Variants in NCOA6 observed in about 807,000 individuals in gnomAD.
The protein encoded by NCOA6 is nuclear receptor coactivator 6.
NCOA6 carries 49 observed loss-of-function variants against 171.4 expected under a neutral mutation model. That is an observed-to-expected ratio of 0.29 (90% CI 0.23 to 0.36). The LOEUF is 0.36. Among genes scored for constraint, NCOA6 ranks in the 10% least tolerant of loss-of-function variants. NCOA6 has a pLI of 1.00. For missense variants in NCOA6, 2,248 were observed against 2,554.5 expected (o/e 0.88, Z 2.59); for synonymous variants, 910 against 927.5 (o/e 0.98, Z 0.34).
In NCOA6 at chr20:34,749,299, CATT is replaced by C; in HGVS notation, c.2792+101_2792+103del. On this transcript the variant is annotated intron_variant, in intron 9 of 14. Coordinates refer to ENST00000359003, the MANE Select transcript of NCOA6 (RefSeq NM_014071.5). ...GATAATTATTGAAGCAGGGGGATTT[CATT>C]ATACTATTCTAGTTTTATATTCTGT... The C allele has an allele frequency of 3.0e-6, 4 of 1,320,542 alleles. No individual in the cohort carries two copies. The South Asian group carries it at 5.8e-5, about 19-fold the overall frequency. 81.8% of individuals were successfully genotyped at this position (1,320,542 alleles called of 1,614,324 possible). A position where few individuals can be genotyped will look rare whatever the true frequency, so the allele number is the denominator to read the frequency against.
Position 34,757,625 on chromosome 20 carries a change from G to A in NCOA6, c.1123C>T (p.Pro375Ser). ...TVQTPSHPPP[P>S]YPFGSQQASQ... Reference sequence around the variant, plus strand: ...GCTTGCTGGCTGCCAAAGGGATATGGAGGGGGAGGGTGGGAAGGCGTCTGT... The same window carrying A: ...GCTTGCTGGCTGCCAAAGGGATATGAAGGGGGAGGGTGGGAAGGCGTCTGT... The change falls in exon 7 of 15, where the codon CCA becomes TCA. Residue 375 changes from proline to serine, a missense_variant. By Grantham distance (74) the Pro-to-Ser change is moderately conservative. This residue lies in a region of NCOA6 where 987 missense variants were observed against 1,104.7 expected (regional missense o/e 0.89). Transcript: ENST00000359003. 3 of 1,614,010 alleles carry A rather than the reference G, an allele frequency of 1.9e-6. No homozygotes were observed. The highest frequency in any genetic ancestry group is 2.5e-6 in the Non-Finnish European group (3 of 1,179,934).
rs748838726 is a variant in NCOA6, at chr20:34,746,861, T to C, written c.2860A>G (p.Ile954Val). Residue 954 changes from isoleucine to valine, a missense_variant, in exon 10 of 15, where the codon ATT becomes GTT. Ile to Val is a conservative substitution (Grantham distance 29). Transcript: ENST00000359003. ...TTAGGGCCTGAGTTATCCAAGTTAA[T>C]TCCTTGTTCTCCAGGCAACGGTGGC... ...DQPPLPGEQG[I>V]NLDNSGPKLP... 6.2e-7 allele frequency: 1 copy of C among 1,609,666 alleles called. No homozygotes were observed. The highest frequency in any genetic ancestry group is 1.1e-5 in the South Asian group (1 of 90,774).
intron 12 of NCOA6, among the ~76,000 whole-genome samples, chr20:34,734,281 C>T (rs932427783): frequency 2.0e-5 from 3 of 152,174 alleles, no homozygotes; most frequent in African/African-American, 4.8e-5. Context: ...CCAGGCTTGT[C>T]TTGAACTCCT....
chr20:34,754,070 G>C (rs1278123771), intron 8 of NCOA6, among the ~76,000 whole-genome samples: 1 of 152,152 alleles, frequency 6.6e-6, no homozygotes. Context: ...TCTTTTTGCA[G>C]TACACTGTTG....
At chr20:34,824,260 G>A (rs2079088522) in intron 1 of NCOA6, among the ~76,000 whole-genome samples, 2 of 152,162 alleles carry the variant, frequency 1.3e-5, no homozygotes, top group Admixed American at 6.5e-5. Context: ...CTCCCAGCTA[G>A]CAAATTCCTT....
intron 1 of NCOA6, among the ~76,000 whole-genome samples, chr20:34,802,886 C>T (rs957749237): frequency 1.3e-5 from 2 of 152,122 alleles, no homozygotes; most frequent in African/African-American, 4.8e-5. Flanking sequence ...CAATTCCCAG[C>T]TCAATGCAGC....
At chr20:34,781,153 C>T (rs1384712540) in intron 3 of NCOA6, among the ~76,000 whole-genome samples, 1 of 152,104 alleles carries the variant, frequency 6.6e-6, no homozygotes, top group African/African-American at 2.4e-5. Flanking sequence ...TAACGCATAA[C>T]TATGGAGAAC....
intron 13 of NCOA6, 83 bp downstream of exon 13, chr20:34,732,476 A>C: frequency 7.6e-7 from 1 of 1,317,250 alleles, no homozygotes; most frequent in Non-Finnish European, 1.1e-6. Context: ...AGGTGAAGAG[A>C]GGTTTAAAGA....
At chr20:34,755,020 A>G in intron 7 of NCOA6, 152 bp from the exon 8 acceptor site, 2 of 731,852 alleles carry the variant, frequency 2.7e-6, no homozygotes, top group Non-Finnish European at 4.3e-6. Flanking sequence ...AAGGTTGGGA[A>G]AGATGGTTAA....
intron 1 of NCOA6, among the ~76,000 whole-genome samples, chr20:34,813,302 C>T (rs1341423027): frequency 6.6e-6 from 1 of 151,088 alleles, no homozygotes; most frequent in Non-Finnish European, 1.5e-5. Context: ...CCTGTCTCTA[C>T]TGAAAATATA....
Position 34,746,928 on chromosome 20 carries a change from G to T in NCOA6, c.2793C>A (p.Asn931Lys). ...RKKKNSQQDL[N>K]TPDTRPAGLE... is the part of the protein sequence containing the mutation. ...GACCAGCTGGGCGAGTATCTGGGGT[G>T]CTAAAAAAAAAAAAAAAAAAAAAAG... The change falls in exon 10 of 15, where the codon AAC (asparagine) becomes AAA (lysine). Residue 931 changes from asparagine (N) to lysine (K), a missense_variant and splice_region_variant. This residue lies in a region of NCOA6 where 352 missense variants were observed against 419.1 expected (regional missense o/e 0.84). Transcript: ENST00000359003. The T allele has an allele frequency of 7.7e-7, 1 of 1,304,288 alleles. No individual in the cohort carries two copies. The highest frequency in any genetic ancestry group is 9.8e-7 in the Non-Finnish European group (1 of 1,017,178). 80.8% of individuals were successfully genotyped at this position (1,304,288 alleles called of 1,614,324 possible). A position where few individuals can be genotyped will look rare whatever the true frequency, so the allele number is the denominator to read the frequency against.
At chr20:34,783,998 G>A (rs1004223085) in intron 2 of NCOA6, among the ~76,000 whole-genome samples, 6 of 151,460 alleles carry the variant, frequency 4.0e-5, no homozygotes, top group East Asian at 1.9e-4. Context: ...AAAGTATTAC[G>A]AATTATTACT....
intron 7 of NCOA6, among the ~76,000 whole-genome samples, chr20:34,756,195 T>C (rs1476279668): frequency 1.3e-5 from 2 of 152,236 alleles, no homozygotes; most frequent in African/African-American, 4.8e-5. Flanking sequence ...CAGCTTCCAC[T>C]GATCTGGGGT....
intron 4 of NCOA6, among the ~76,000 whole-genome samples, chr20:34,773,383 A>G (rs1224744440): frequency 6.6e-6 from 1 of 152,246 alleles, no homozygotes; most frequent in Non-Finnish European, 1.5e-5. Context: ...TGGAGAACGG[A>G]CTGTTGGGAG....
chr20:34,749,275 A>G, intron 9 of NCOA6, 128 bp downstream of exon 9: 4 of 1,170,164 alleles, frequency 3.4e-6, no homozygotes, highest in Middle Eastern at 6.0e-4. Flanking sequence ...CTATGAGTTG[A>G]TAATTATTGA....
intron 8 of NCOA6, among the ~76,000 whole-genome samples, chr20:34,751,875 ACTTT>A (rs1476659029): frequency 1.3e-5 from 2 of 151,690 alleles, no homozygotes; most frequent in African/African-American, 4.8e-5. Flanking sequence ...TTTATTTTTC[ACTTT>A]TTTTGTTGTT....
At chr20:34,776,673 T>C in intron 3 of NCOA6, 2 of 650,854 alleles carry the variant, frequency 3.1e-6, no homozygotes, top group Non-Finnish European at 5.5e-6. Context: ...AACTTATCTT[T>C]TTCTTTTCTA....
At chr20:34,797,524 C>T (rs2078115695) in intron 1 of NCOA6, among the ~76,000 whole-genome samples, 1 of 151,998 alleles carries the variant, frequency 6.6e-6, no homozygotes, top group South Asian at 2.1e-4. Flanking sequence ...ATGCTGTCTT[C>T]AAGCATGACC....
intron 1 of NCOA6, chr20:34,809,582 T>C (rs532694793): frequency 2.5e-6 from 1 of 397,262 alleles, no homozygotes; most frequent in Admixed American, 4.4e-5. Context: ...AAAGACTACA[T>C]ATAAACCCTT....
Sources: allele counts gnomAD v4.1 joint callset (sites outside exome capture counted in the v4.1 genomes callset), GRCh38; gene constraint gnomAD v4.1.1; regional missense constraint gnomAD v4.1.1; transcripts MANE v1.5; gene names NCBI Gene and HGNC (gene_info 2026-07-23, HGNC 2026-07-21).